PCDHGB1: variants seen among roughly 807,000 people sequenced by gnomAD.
The protein encoded by PCDHGB1 is protocadherin gamma-B1.
PCDHGB1 carries 34 observed loss-of-function variants against 56.6 expected under a neutral mutation model. The observed-to-expected ratio is 0.60, with a 90% CI of 0.46 to 0.80. The LOEUF (loss-of-function observed/expected upper bound fraction) is 0.80, where lower values mean the gene tolerates loss of function less well. Among genes scored for constraint, PCDHGB1 ranks in the 30% least tolerant of loss-of-function variants. The pLI, the probability that PCDHGB1 is intolerant of heterozygous loss-of-function variation, is 0.00. For missense variants in PCDHGB1, 1,278 were observed against 1,204.6 expected, an observed-to-expected ratio of 1.06 and a Z score of -0.90; for synonymous variants, 561 against 505.9, an observed-to-expected ratio of 1.11 and a Z score of -1.46.
intron 1 of PCDHGB1, chr5:141,375,475 C>G (rs774489564): frequency 1.9e-6 from 3 of 1,613,884 alleles, no homozygotes; most frequent in Non-Finnish European, 2.5e-6. Context: ...TCCTTGAAAA[C>G]AACCCCAGGG....
intron 1 of PCDHGB1, chr5:141,383,242 A>C: frequency 1.9e-6 from 3 of 1,613,970 alleles, no homozygotes; most frequent in Non-Finnish European, 2.5e-6. Flanking sequence ...AGATAAAATG[A>C]ATCTTTACCC....
chr5:141,413,262 G>A (rs2095621152), intron 1 of PCDHGB1: 2 of 1,613,960 alleles, frequency 1.2e-6, no homozygotes, highest in South Asian at 1.1e-5. Context: ...TTCCATGGGA[G>A]GCTGGAGCCC....
chr5:141,468,351 A>T (rs1030472813), intron 1 of PCDHGB1: 1 of 149,190 alleles, frequency 6.7e-6, no homozygotes, highest in East Asian at 2.0e-4. Flanking sequence ...AAAAAAAAAG[A>T]AAGAAAAAAG....
chr5:141,419,765 G>A, intron 1 of PCDHGB1: 1 of 1,614,016 alleles, frequency 6.2e-7, no homozygotes, highest in Non-Finnish European at 8.5e-7. Context: ...GGGTGACAAG[G>A]ACTCGGTCCG....
chr5:141,497,796 TC>T (rs1251163385), intron 2 of PCDHGB1, among the ~76,000 whole-genome samples: 2 of 152,160 alleles, frequency 1.3e-5, no homozygotes, highest in African/African-American at 2.4e-5. Context: ...TGCTTCAGCT[TC>T]CCAAAGTGCT....
At position 141,357,135 on chromosome 5, in the gene PCDHGB1, C is replaced by G. The variant is rs566379742; in HGVS notation, c.2409+4466C>G. On this transcript the variant is annotated intron_variant, in intron 1 of 3. Coordinates refer to ENST00000523390, the MANE Select transcript of PCDHGB1 (RefSeq NM_018922.3). Reference sequence around the variant, plus strand: ...CGCTCAAGCAGAGGCTTGTAGTGGTCGTCCAGGACCATGGCCAGCCCCCTC... The same window carrying G: ...CGCTCAAGCAGAGGCTTGTAGTGGTGGTCCAGGACCATGGCCAGCCCCCTC... The G allele has an allele frequency of 1.9e-4, 305 of 1,613,504 alleles. 5 individuals are homozygous for G. The South Asian group carries it at 3.1e-3, about 16-fold the overall frequency.
intron 1 of PCDHGB1, among the ~76,000 whole-genome samples, chr5:141,458,368 A>C (rs934670055): frequency 3.9e-5 from 6 of 152,112 alleles, no homozygotes; most frequent in Admixed American, 3.9e-4. Flanking sequence ...GAAGGAAGGG[A>C]GAAGAGAGAA....
At chr5:141,355,411 A>G (rs1759844288) in intron 1 of PCDHGB1, 3 of 1,613,986 alleles carry the variant, frequency 1.9e-6, no homozygotes, top group African/African-American at 2.7e-5. Context: ...CTCCAGAGGT[A>G]GGACGCAGCT....
chr5:141,497,825 C>T (rs1015168533), intron 2 of PCDHGB1, among the ~76,000 whole-genome samples: 3 of 152,154 alleles, frequency 2.0e-5, no homozygotes, highest in Admixed American at 6.5e-5. Context: ...CAGGTGTGAT[C>T]GCCCCCGGCC....
chr5:141,483,589 G>A (rs189449393), intron 1 of PCDHGB1, among the ~76,000 whole-genome samples: 17 of 152,214 alleles, frequency 1.1e-4, no homozygotes, highest in Admixed American at 1.1e-3. Context: ...ACACCTAATA[G>A]GTCAGGCTGG....
chr5:141,423,332 C>G, intron 1 of PCDHGB1: 2 of 1,614,198 alleles, frequency 1.2e-6, no homozygotes, highest in Non-Finnish European at 1.7e-6. Flanking sequence ...GCCGCAGTCT[C>G]CTGCATCTTC....
At chr5:141,415,569 A>G (rs962518094) in intron 1 of PCDHGB1, 12 of 1,614,092 alleles carry the variant, frequency 7.4e-6, no homozygotes, top group Non-Finnish European at 1.0e-5. Flanking sequence ...TGTCTTTGTT[A>G]GATGATTCGA....
At chr5:141,449,837 T>A (rs917239289) in intron 1 of PCDHGB1, among the ~76,000 whole-genome samples, 3 of 151,742 alleles carry the variant, frequency 2.0e-5, no homozygotes, top group Non-Finnish European at 4.4e-5. Context: ...TTCTTTTATA[T>A]AATTAAATTT....
chr5:141,456,157 A>G (rs1307977690), intron 1 of PCDHGB1, among the ~76,000 whole-genome samples: 3 of 152,052 alleles, frequency 2.0e-5, no homozygotes, highest in Admixed American at 1.3e-4. Context: ...TCGGCCTCCT[A>G]AAGTGCTGGG....
chr5:141,387,473 G>T (rs1032850562), intron 1 of PCDHGB1, among the ~76,000 whole-genome samples: 4 of 152,190 alleles, frequency 2.6e-5, no homozygotes, highest in Non-Finnish European at 4.4e-5. Context: ...CCTCAAAGTT[G>T]GGATGAAGGC....
intron 1 of PCDHGB1, among the ~76,000 whole-genome samples, chr5:141,461,978 C>T (rs888687367): frequency 2.6e-5 from 4 of 152,216 alleles, no homozygotes; most frequent in African/African-American, 9.6e-5. Flanking sequence ...CATATGCCAC[C>T]ACGCCAGGCT....
At chr5:141,394,748 C>T (rs960054108) in intron 1 of PCDHGB1, 1 of 1,613,414 alleles carries the variant, frequency 6.2e-7, no homozygotes, top group Non-Finnish European at 8.5e-7. Context: ...TCGTGGTGGC[C>T]GTCCAGGACC....
intron 2 of PCDHGB1, among the ~76,000 whole-genome samples, chr5:141,498,792 G>A (rs1217057199): frequency 2.6e-5 from 4 of 152,086 alleles, no homozygotes; most frequent in Admixed American, 2.6e-4. Context: ...TATTAGCCAG[G>A]TGTGGTGGTG....
chr5:141,489,359 AG>A lies in PCDHGB1; in HGVS notation c.2410-5447del. On this transcript the variant is annotated intron_variant, in intron 1 of 3. Coordinates refer to ENST00000523390, the MANE Select transcript of PCDHGB1 (RefSeq NM_018922.3). The surrounding 1 kb of genome is among the most constrained non-coding windows in gnomAD (Gnocchi z 4.5). ...CGTTACTCAGTGGTGGAGGAGTCTG[AG>A]CCGGGGACGCTGGTGGGGAATGTTG... 1 of 1,613,110 alleles carries A rather than the reference AG, an allele frequency of 6.2e-7. No homozygotes were observed. The highest frequency in any genetic ancestry group is 1.1e-5 in the South Asian group (1 of 90,984).
Sources: allele counts gnomAD v4.1 joint callset (sites outside exome capture counted in the v4.1 genomes callset), GRCh38; gene constraint gnomAD v4.1.1; non-coding constraint Gnocchi (gnomAD v3.1); transcripts MANE v1.5; gene names NCBI Gene and HGNC (gene_info 2026-07-23, HGNC 2026-07-21).